The following MSH3 variants were observed in gnomAD, a reference collection of about 807,000 sequenced individuals.
MSH3 encodes mutS homolog 3, also known as DNA mismatch repair protein Msh3.
Under a neutral mutation model 123.3 loss-of-function variants are expected in MSH3, and 106 were observed. The ratio of observed to expected loss-of-function variants is 0.86; its 90% confidence interval spans 0.73 to 1.01. The LOEUF (loss-of-function observed/expected upper bound fraction) is 1.01. MSH3 is among the 50% of genes least tolerant of loss of function. The pLI, the probability that MSH3 is intolerant of heterozygous loss-of-function variation, is 0.00. For synonymous variants in MSH3, 515 were observed against 481.4 expected, an observed-to-expected ratio of 1.07 and a Z score of -0.91; for missense variants, 1,459 against 1,347.6, an observed-to-expected ratio of 1.08 and a Z score of -1.29.
chr5:80,670,054 G>A (rs1344825843), intron 3 of MSH3, 43 bp from the exon 4 acceptor site: 1 of 1,568,520 alleles, frequency 6.4e-7, no homozygotes, highest in Non-Finnish European at 8.8e-7. Context: ...ACTTATTATT[G>A]TGGTTAATAT....
chr5:80,802,890 C>A (rs1744817271), intron 19 of MSH3, among the ~76,000 whole-genome samples: 1 of 152,130 alleles, frequency 6.6e-6, no homozygotes, highest in Admixed American at 6.5e-5. Context: ...CATGTTGTTG[C>A]AAATGACAGG....
At position 80,761,548 on chromosome 5, in the gene MSH3, A is replaced by C. The variant is rs1188380279; in HGVS notation, c.1766A>C (p.Glu589Ala). Residue 589 changes from glutamate to alanine, a missense_variant and splice_region_variant, in exon 13 of 24, where the codon GAA becomes GCA. Glu to Ala is a moderately radical substitution (Grantham distance 107). Coordinates refer to ENST00000265081, the MANE Select transcript of MSH3 (RefSeq NM_002439.5). ...TTGCTATTACTCTTTTCTCACAGGG[A>C]AATAAATGCCCGGCTTGATGCTGTA... ...WVTQPLLKLREINARLDAVSE... is the reference protein window; with the variant it reads ...WVTQPLLKLRAINARLDAVSE... 6.2e-7 allele frequency: 1 copy of C among 1,614,012 alleles called. No individual in the cohort carries two copies. The highest frequency in any genetic ancestry group is 8.5e-7 in the Non-Finnish European group (1 of 1,179,996).
intron 8 of MSH3, among the ~76,000 whole-genome samples, chr5:80,702,492 G>A (rs1750633651): frequency 1.3e-5 from 2 of 152,148 alleles, no homozygotes; most frequent in South Asian, 4.1e-4. Flanking sequence ...GTATCGCATG[G>A]CATATTTAAG....
intron 20 of MSH3, among the ~76,000 whole-genome samples, chr5:80,850,336 A>G (rs908889477): frequency 2.0e-5 from 3 of 152,108 alleles, no homozygotes; most frequent in Non-Finnish European, 2.9e-5. Flanking sequence ...AGTTGCCTCC[A>G]CTTTTTCAAG....
chr5:80,750,863 CTCTTTAA>C (rs894121914), intron 12 of MSH3, among the ~76,000 whole-genome samples: 2 of 152,230 alleles, frequency 1.3e-5, no homozygotes, highest in African/African-American at 4.8e-5. Context: ...TCTTCTGTTT[CTCTTTAA>C]TCTTTACAGG....
Position 80,731,714 on chromosome 5 carries a change from A to C in MSH3, c.1568+2749A>C, listed in dbSNP as rs145549146. Reference sequence around the variant, plus strand: ...ATGAGTGGCATGTAATTTGAAGATCATTCTAAAAGAGTAATTCTGTAGTGC... The same window carrying C: ...ATGAGTGGCATGTAATTTGAAGATCCTTCTAAAAGAGTAATTCTGTAGTGC... On this transcript the variant is annotated intron_variant, in intron 10 of 23. Transcript: ENST00000265081. Among the ~76,000 whole-genome samples the C allele has an allele frequency of 3.8e-3, 577 of 152,310 alleles. 2 individuals are homozygous for C. Among genetic ancestry groups the C allele is most frequent in the Middle Eastern group, 0.027 (8 of 292 alleles).
rs1408201880 is a variant in MSH3, at chr5:80,670,134, C to T, written c.617C>T (p.Ser206Leu). The T allele has an allele frequency of 1.2e-6, 2 of 1,614,088 alleles. No individual in the cohort carries two copies. Among genetic ancestry groups the T allele is most frequent in the South Asian group, 2.2e-5 (2 of 91,070 alleles). ...TTTGATCTCAGTCAGTTTGGATCAT[C>T]AAATACAAGTCATGAAAATTTACAG... ...TLFDLSQFGS[S>L]NTSHENLQKT... Residue 206 changes from serine to leucine, a missense_variant, in exon 4 of 24, where the codon TCA becomes TTA. By Grantham distance (145) the Ser-to-Leu change is moderately radical. Transcript: ENST00000265081.
chr5:80,817,358 C>T (rs1213847946), intron 20 of MSH3, among the ~76,000 whole-genome samples: 1 of 152,048 alleles, frequency 6.6e-6, no homozygotes, highest in Non-Finnish European at 1.5e-5. Context: ...GGTGGGGCCA[C>T]ACTGCAGTTA....
intron 20 of MSH3, among the ~76,000 whole-genome samples, chr5:80,843,055 C>G (rs1441830351): frequency 6.6e-6 from 1 of 152,028 alleles, no homozygotes; most frequent in African/African-American, 2.4e-5. Context: ...ATAAATAGCT[C>G]TTATTATTTT....
chr5:80,811,472 A>G (rs1413137980), intron 19 of MSH3, among the ~76,000 whole-genome samples: 1 of 152,164 alleles, frequency 6.6e-6, no homozygotes, highest in Non-Finnish European at 1.5e-5. Context: ...ATAGTTTATT[A>G]AGAAGTTTTG....
At chr5:80,746,191 A>G (rs911686927) in intron 12 of MSH3, 3 of 200,772 alleles carry the variant, frequency 1.5e-5, no homozygotes, top group Non-Finnish European at 3.0e-5. Context: ...TATTCACACC[A>G]CACATTCACT....
At chr5:80,746,669 T>A in intron 12 of MSH3, 1 of 308,912 alleles carries the variant, frequency 3.2e-6, no homozygotes, top group Non-Finnish European at 6.6e-6. Context: ...TTTAAAAATA[T>A]TGCTGCATTA....
At chr5:80,655,278 T>G in intron 1 of MSH3, 1 of 271,434 alleles carries the variant, frequency 3.7e-6, no homozygotes. Context: ...TCTTTTAACC[T>G]CCATCCTTTT....
At chr5:80,757,508 C>G (rs574007733) in intron 12 of MSH3, among the ~76,000 whole-genome samples, 1 of 152,158 alleles carries the variant, frequency 6.6e-6, no homozygotes, top group Non-Finnish European at 1.5e-5. Flanking sequence ...ATGTGAAGGA[C>G]TCCAGTGACA....
intron 19 of MSH3, among the ~76,000 whole-genome samples, chr5:80,804,301 C>T (rs1182409110): frequency 6.6e-6 from 1 of 152,228 alleles, no homozygotes; most frequent in South Asian, 2.1e-4. Flanking sequence ...TCACCATGGG[C>T]CTTGGGTGAG....
intron 1 of MSH3, 150 bp from the exon 2 acceptor site, chr5:80,656,261 T>G: frequency 5.0e-6 from 5 of 1,002,726 alleles, no homozygotes; most frequent in South Asian, 1.4e-5. Flanking sequence ...AGTTCACCCA[T>G]AGGGTTTTCC....
chr5:80,834,430 C>A (rs1210081528), intron 20 of MSH3, among the ~76,000 whole-genome samples: 1 of 149,896 alleles, frequency 6.7e-6, no homozygotes, highest in Non-Finnish European at 1.5e-5. Context: ...GATGTTAATA[C>A]CACTGAACTG....
intron 6 of MSH3, among the ~76,000 whole-genome samples, chr5:80,673,446 G>A (rs1276703467): frequency 2.6e-5 from 4 of 152,060 alleles, no homozygotes; most frequent in Non-Finnish European, 5.9e-5. Flanking sequence ...GGACAATCAC[G>A]TCAGCCTAGG....
At chr5:80,695,309 T>G (rs1157716147) in intron 8 of MSH3, among the ~76,000 whole-genome samples, 1 of 152,004 alleles carries the variant, frequency 6.6e-6, no homozygotes, top group Non-Finnish European at 1.5e-5. Context: ...ACTGTTATTA[T>G]ATTTTTCACT....
Sources: allele counts gnomAD v4.1 joint callset (sites outside exome capture counted in the v4.1 genomes callset), GRCh38; gene constraint gnomAD v4.1.1; transcripts MANE v1.5; gene names NCBI Gene and HGNC (gene_info 2026-07-23, HGNC 2026-07-21).